PAK3: variants seen among roughly 807,000 people sequenced by gnomAD.
PAK3 encodes the protein serine/threonine-protein kinase PAK 3.
In PAK3, 4 loss-of-function variants were observed where a neutral mutation model predicts 41.0. The observed-to-expected ratio is 0.10, with a 90% CI of 0.05 to 0.22. PAK3 has a LOEUF of 0.22. Ranked by LOEUF, PAK3 falls within the 10% of genes least tolerant of loss-of-function variation. The pLI, the probability that PAK3 is intolerant of heterozygous loss-of-function variation, is 1.00. For synonymous variants in PAK3, 146 were observed against 139.6 expected (o/e 1.05, Z -0.32); for missense variants, 205 against 409.9 (o/e 0.50, Z 4.32).
rs1258296822 is a variant in PAK3, at chrX:111,227,053, A to G, written c.*6606A>G. On this transcript the variant is annotated 3_prime_UTR_variant, in exon 18 of 18. Coordinates refer to ENST00000372007, the MANE Select transcript of PAK3 (RefSeq NM_002578.5). ...AGCATTACTTTTGTCAGAATGTGTT[A>G]TCTGTAAACCATGTGTAGTGAAATT... 1.8e-5 allele frequency: 2 copies of G among 112,274 alleles called. No individual in the cohort carries two copies. Among genetic ancestry groups the G allele is most frequent in the Non-Finnish European group, 3.8e-5 (2 of 53,303 alleles). 9.3% of individuals were successfully genotyped at this position (112,274 alleles called of 1,213,427 possible).
chrX:110,951,478 A>G (rs1254967087), intron 1 of PAK3, among the ~76,000 whole-genome samples: 1 of 112,111 alleles, frequency 8.9e-6, no homozygotes, highest in Non-Finnish European at 1.9e-5. Context: ...TTTTCTCGAT[A>G]TTGCCAAATT....
At chrX:111,057,556 T>C (rs1436124670) in intron 1 of PAK3, among the ~76,000 whole-genome samples, 2 of 112,005 alleles carry the variant, frequency 1.8e-5, no homozygotes, top group African/African-American at 6.5e-5. Context: ...AATTTCCTAA[T>C]CCTTATATCA....
At position 111,192,590 on chromosome X, in the gene PAK3, A is replaced by C. The variant is rs756304087; in HGVS notation, c.964A>C (p.Asn322His). Residue 322 changes from asparagine to histidine, a missense_variant, in exon 13 of 18, where the codon AAC becomes CAC. Physicochemically the swap from Asn to His is moderately conservative, Grantham distance 68. Around this residue, in one of 5 missense-constraint regions of PAK3, gnomAD observed 42 missense variants for 152.7 expected, o/e 0.28. Coordinates refer to ENST00000372007, the MANE Select transcript of PAK3 (RefSeq NM_002578.5). ...NEILVMRENKNPNIVNYLDSY... is the reference protein window; with the variant it reads ...NEILVMRENKHPNIVNYLDSY... ...AATTCTGGTCATGAGGGAAAATAAG[A>C]ACCCTAATATTGTTAATTATTTAGA... 4.6e-5 allele frequency: 47 copies of C among 1,021,691 alleles called. No individual in the cohort carries two copies. Among genetic ancestry groups the C allele is most frequent in the Non-Finnish European group, 6.2e-5 (45 of 722,529 alleles). The allele number at this position is 1,021,691 out of a possible 1,213,427, so 84.2% of individuals were successfully genotyped here. A position where few individuals can be genotyped will look rare whatever the true frequency, so the allele number is the denominator to read the frequency against.
At chrX:111,117,080 G>A (rs1384864807) in intron 4 of PAK3, among the ~76,000 whole-genome samples, 1 of 111,715 alleles carries the variant, frequency 9.0e-6, no homozygotes, top group Non-Finnish European at 1.9e-5. Flanking sequence ...CCAAAACGAG[G>A]CCATCTAAGA....
intron 1 of PAK3, among the ~76,000 whole-genome samples, chrX:110,958,290 G>C (rs1000560664): frequency 4.5e-5 from 5 of 111,900 alleles, no homozygotes; most frequent in African/African-American, 9.8e-5. Flanking sequence ...AGAGCAGATG[G>C]AAGCCAATGA....
At position 111,036,546 on chromosome X, in the gene PAK3, C is replaced by G. The variant is rs7066567; in HGVS notation, c.-27-86531C>G. ...CAGATCTTGTGAGAACTCACTCTCA[C>G]GAGAACAGCATAGGGGAAACTGCCC... On this transcript the variant is annotated intron_variant, in intron 1 of 14. Transcript: ENST00000425146. 1.6e-3 allele frequency among the ~76,000 whole-genome samples: 179 copies of G among 111,788 alleles called. 3 individuals are homozygous for G. The Admixed American group carries it at 0.017, about 10-fold the overall frequency.
At position 111,069,307 on chromosome X, in the gene PAK3, C is replaced by A. The variant is rs376652113; in HGVS notation, c.-27-53770C>A. Among the ~76,000 whole-genome samples, 10 of 111,291 alleles carry A rather than the reference C, an allele frequency of 9.0e-5. 1 individual carries two copies. The East Asian group carries it at 2.3e-3, about 25-fold the overall frequency. ...TGGGTAGTTGGTTATGGGCATATCCCATAGGTTGTGTGGCACTGAGGAAGT... is the reference window on the plus strand; with the variant it reads ...TGGGTAGTTGGTTATGGGCATATCCAATAGGTTGTGTGGCACTGAGGAAGT... On this transcript the variant is annotated intron_variant, in intron 1 of 14. Transcript: ENST00000425146.
In PAK3 at chrX:111,167,537, A is replaced by G. The variant is rs143218954; in HGVS notation, c.766+3810A>G. Among the ~76,000 whole-genome samples the G allele has an allele frequency of 7.0e-3, 780 of 111,385 alleles. 6 individuals are homozygous for G. The highest frequency in any genetic ancestry group is 0.024 in the African/African-American group (729 of 30,613). Reference sequence around the variant, plus strand: ...CATTATTGGGTGAAATGAACAGGTCATCTTTCAGTTTTACACAGACAAATA... The same window carrying G: ...CATTATTGGGTGAAATGAACAGGTCGTCTTTCAGTTTTACACAGACAAATA... On this transcript the variant is annotated intron_variant, in intron 10 of 17. Coordinates refer to ENST00000372007, the MANE Select transcript of PAK3 (RefSeq NM_002578.5).
chrX:111,057,814 C>T (rs1338080685), intron 1 of PAK3, among the ~76,000 whole-genome samples: 1 of 111,673 alleles, frequency 9.0e-6, no homozygotes, highest in African/African-American at 3.3e-5. Context: ...GAAGCTTGCA[C>T]CCATTAGCAG....
At chrX:111,087,134 AGTGTGTGTGT>A (rs112857612) in intron 1 of PAK3, among the ~76,000 whole-genome samples, 184 of 95,531 alleles carry the variant, frequency 1.9e-3, no homozygotes, top group South Asian at 5.1e-3. Flanking sequence ...TGAACAAGTA[AGTGTGTGTGT>A]GTGTGTGTGT....
At chrX:111,063,434 C>A (rs1261770580) in intron 1 of PAK3, among the ~76,000 whole-genome samples, 2 of 109,422 alleles carry the variant, frequency 1.8e-5, no homozygotes, top group Non-Finnish European at 3.8e-5. Context: ...GGAAGAAGAG[C>A]CCCATCTTAT....
rs185500810 is a variant in PAK3 at position 111,036,633 on chromosome X, G to A, written c.-27-86444G>A. Among the ~76,000 whole-genome samples the A allele has an allele frequency of 1.3e-3, 151 of 112,085 alleles. 1 individual carries two copies. In the Middle Eastern group the frequency reaches 0.028, roughly 21 times the overall value. On this transcript the variant is annotated intron_variant, in intron 1 of 14. Transcript: ENST00000425146. The stretch of plus-strand genomic sequence containing the variant: ...GACATGTGGAGATTATTATATCAAG[G>A]TGAGATTTGGGTGGGCACACAGAGC...
At chrX:111,027,513 G>A (rs1569507924) in intron 1 of PAK3, among the ~76,000 whole-genome samples, 1 of 111,830 alleles carries the variant, frequency 8.9e-6, no homozygotes, top group Non-Finnish European at 1.9e-5. Flanking sequence ...CTAAGGACAC[G>A]AATAGACGAT....
At chrX:110,956,174 G>A (rs1355250660) in intron 1 of PAK3, among the ~76,000 whole-genome samples, 3 of 112,041 alleles carry the variant, frequency 2.7e-5, no homozygotes, top group African/African-American at 9.7e-5. Context: ...TTTGGATCCT[G>A]GCTCAGGCAC....
chrX:111,050,240 G>C (rs1048774280), intron 1 of PAK3, among the ~76,000 whole-genome samples: 1 of 111,230 alleles, frequency 9.0e-6, no homozygotes, highest in African/African-American at 3.3e-5. Context: ...CTGTGAGGAA[G>C]CACCGTGATC....
chrX:111,207,565 A>G lies in PAK3; in HGVS notation c.1408-8856A>G, dbSNP rs552745524. ...CATTACTTACATGTTTGTAGTGATG[A>G]TGGTATAAACAAACCTACTTCTCAA... On this transcript the variant is annotated intron_variant, in intron 16 of 17. Transcript: ENST00000372007. Among the ~76,000 whole-genome samples the G allele has an allele frequency of 5.3e-4, 59 of 111,524 alleles. 1 individual carries two copies. The South Asian group carries it at 0.018, about 34-fold the overall frequency.
chrX:111,084,590 T>C (rs1263098047), intron 1 of PAK3, among the ~76,000 whole-genome samples: 1 of 112,215 alleles, frequency 8.9e-6, no homozygotes, highest in African/African-American at 3.2e-5. Flanking sequence ...ACTGCTACTT[T>C]GGGGCCTGCC....
At chrX:110,959,670 G>A (rs1392529893) in intron 1 of PAK3, among the ~76,000 whole-genome samples, 2 of 111,023 alleles carry the variant, frequency 1.8e-5, no homozygotes, top group Non-Finnish European at 3.8e-5. Context: ...CACACCACTG[G>A]TACCTGCTTG....
intron 5 of PAK3, among the ~76,000 whole-genome samples, chrX:111,129,854 G>T (rs1333815704): frequency 9.0e-6 from 1 of 111,396 alleles, no homozygotes; most frequent in Non-Finnish European, 1.9e-5. Context: ...CACGCAGTTT[G>T]ATATGCTTTA....
Sources: gnomAD v4.1 joint callset for allele counts (sites outside exome capture counted in the v4.1 genomes callset) on GRCh38, gnomAD v4.1.1 for gene constraint, gnomAD v4.1.1 regional missense constraint, MANE v1.5 for transcripts, NCBI Gene and HGNC (gene_info 2026-07-23, HGNC 2026-07-21) for gene names.